Variants in GALNT2 observed in about 807,000 individuals in gnomAD.
GALNT2 encodes the protein polypeptide N-acetylgalactosaminyltransferase 2.
In GALNT2, 31 loss-of-function variants were observed where a neutral mutation model predicts 81.4. The ratio of observed to expected loss-of-function variants is 0.38; its 90% CI spans 0.29 to 0.51. The LOEUF is 0.51. GALNT2 is among the 20% of genes least tolerant of loss of function. The pLI, the probability that GALNT2 is intolerant of heterozygous loss-of-function variation, is 0.87. For missense variants in GALNT2, 629 were observed against 765.7 expected (o/e 0.82, Z 2.11); for synonymous variants, 303 against 287.4 (o/e 1.05, Z -0.55).
chr1:230,156,244 AGT>A (rs56074247), intron 1 of GALNT2, among the ~76,000 whole-genome samples: 14,643 of 146,034 alleles, frequency 0.1, 755 homozygotes, highest in South Asian at 0.15. Context: ...AGAGAGAGAG[AGT>A]GTGTGTGTGT....
Position 230,279,183 on chromosome 1 carries a change from TG to T in GALNT2, c.1561-117del. ...CTCCTCGGCCGTTCAGATGAGAGGC[TG>T]GGAAAAACGTGTCTATCTGTGAGTT... On this transcript the variant is annotated intron_variant, in intron 15 of 15. Transcript: ENST00000366672. The surrounding 1 kb of genome is among the most constrained non-coding windows in gnomAD (Gnocchi z 4.6). 3 of 1,103,614 alleles carry T rather than the reference TG, an allele frequency of 2.7e-6. No homozygotes were observed. The highest frequency in any genetic ancestry group is 3.8e-6 in the Non-Finnish European group (3 of 784,990). The allele number at this position is 1,103,614 out of a possible 1,614,324, so 68.4% of individuals were successfully genotyped here.
intron 3 of GALNT2, among the ~76,000 whole-genome samples, chr1:230,204,954 T>C (rs1664015546): frequency 6.6e-6 from 1 of 152,148 alleles, no homozygotes. Context: ...ATGAATACTT[T>C]TGAGGCACTC....
At chr1:230,138,402 G>T (rs1311280627) in intron 1 of GALNT2, among the ~76,000 whole-genome samples, 1 of 151,992 alleles carries the variant, frequency 6.6e-6, no homozygotes, top group Non-Finnish European at 1.5e-5. Flanking sequence ...GTGCGTGCCT[G>T]TAATCCCAGC....
At chr1:230,229,351 C>A (rs1664806500) in intron 3 of GALNT2, among the ~76,000 whole-genome samples, 1 of 152,214 alleles carries the variant, frequency 6.6e-6, no homozygotes, top group Non-Finnish European at 1.5e-5. Context: ...TGTGGCCTCT[C>A]TAGTAATCAG....
chr1:230,270,369 A>G (rs2102775225), intron 14 of GALNT2, among the ~76,000 whole-genome samples: 1 of 152,326 alleles, frequency 6.6e-6, no homozygotes, highest in South Asian at 2.1e-4. Context: ...GTCTGGGGCC[A>G]GTGGGCTACT....
intron 1 of GALNT2, among the ~76,000 whole-genome samples, chr1:230,069,253 CTTAG>C (rs1257374391): frequency 3.6e-5 from 5 of 139,900 alleles, no homozygotes; most frequent in African/African-American, 1.6e-4. Context: ...GTGTGTGATT[CTTAG>C]TTTGTTTTTT....
intron 3 of GALNT2, among the ~76,000 whole-genome samples, chr1:230,233,648 T>C (rs567884535): frequency 4.2e-4 from 64 of 152,230 alleles, no homozygotes; most frequent in African/African-American, 1.3e-3. Context: ...AATTTTTTTT[T>C]AATGTATTGG....
At chr1:230,135,268 GAC>G (rs1661500406) in intron 1 of GALNT2, among the ~76,000 whole-genome samples, 1 of 152,110 alleles carries the variant, frequency 6.6e-6, no homozygotes, top group Non-Finnish European at 1.5e-5. Flanking sequence ...TGTAGAGGAA[GAC>G]AGTCATGGAT....
In GALNT2 at chr1:230,249,318, G is replaced by A. The variant is rs757851541; in HGVS notation, c.905+47G>A. The A allele has an allele frequency of 1.1e-5, 17 of 1,563,168 alleles. No homozygotes were observed. The East Asian group carries it at 2.9e-4, about 27-fold the overall frequency. ...GGTGCCCCTCCCAGATGAGACCCCA[G>A]GTTCCAGCTTCTTTGCTGGGCCCGC... On this transcript the variant is annotated intron_variant, in intron 9 of 15. Transcript: ENST00000366672.
chr1:230,215,275 T>C (rs1206114611), intron 3 of GALNT2, among the ~76,000 whole-genome samples: 1 of 152,216 alleles, frequency 6.6e-6, no homozygotes, highest in African/African-American at 2.4e-5. Flanking sequence ...TTCACTTGGC[T>C]CTGCACCTAC....
intron 1 of GALNT2, among the ~76,000 whole-genome samples, chr1:230,168,579 C>T (rs952901226): frequency 1.3e-5 from 2 of 152,212 alleles, no homozygotes; most frequent in African/African-American, 4.8e-5. Flanking sequence ...TAAAAATGAA[C>T]AGGCACCCAG....
intron 2 of GALNT2, among the ~76,000 whole-genome samples, 155 bp downstream of exon 2, chr1:230,178,466 G>A (rs1293488218): frequency 3.3e-5 from 5 of 152,224 alleles, no homozygotes; most frequent in South Asian, 2.1e-4. Flanking sequence ...AACTTCCATC[G>A]GACCCATTAG....
chr1:230,174,072 C>T (rs1040231718), intron 1 of GALNT2, among the ~76,000 whole-genome samples: 4 of 152,124 alleles, frequency 2.6e-5, no homozygotes, highest in African/African-American at 9.7e-5. Flanking sequence ...TGTAAAAGAC[C>T]CCCAAGTGCT....
chr1:230,203,634 C>T (rs190623323), intron 3 of GALNT2, among the ~76,000 whole-genome samples: 26 of 152,280 alleles, frequency 1.7e-4, no homozygotes, highest in Admixed American at 6.5e-4. Context: ...CAAAATTTGT[C>T]ATTGTTCCCA....
chr1:230,159,873 TG>T (rs1231037993), intron 1 of GALNT2, among the ~76,000 whole-genome samples: 1 of 152,242 alleles, frequency 6.6e-6, no homozygotes, highest in African/African-American at 2.4e-5. Context: ...GGCCTTTGGC[TG>T]GATCCCTGTT....
chr1:230,080,419 A>G (rs2102752691), intron 1 of GALNT2, among the ~76,000 whole-genome samples: 1 of 152,264 alleles, frequency 6.6e-6, no homozygotes, highest in African/African-American at 2.4e-5. Context: ...AAGCAGTGTG[A>G]TGTCCCAAGC....
At chr1:230,058,934 A>G (rs1282665611) in intron 1 of GALNT2, among the ~76,000 whole-genome samples, 1 of 152,028 alleles carries the variant, frequency 6.6e-6, no homozygotes, top group Non-Finnish European at 1.5e-5. Context: ...GCTCTTCCAT[A>G]TCTTCTTTTT....
chr1:230,158,957 A>C (rs1259778260), intron 1 of GALNT2, among the ~76,000 whole-genome samples: 1 of 152,208 alleles, frequency 6.6e-6, no homozygotes, highest in African/African-American at 2.4e-5. Context: ...TTTGGATTTC[A>C]GTGGCCTCTG....
intron 1 of GALNT2, among the ~76,000 whole-genome samples, chr1:230,106,001 A>T (rs897430472): frequency 2.0e-5 from 3 of 152,170 alleles, no homozygotes; most frequent in African/African-American, 7.2e-5. Context: ...GGTAAAGATG[A>T]TTCATTTCTT....
Sources: allele counts gnomAD v4.1 joint callset (sites outside exome capture counted in the v4.1 genomes callset), GRCh38; gene constraint gnomAD v4.1.1; non-coding constraint Gnocchi (gnomAD v3.1); transcripts MANE v1.5; gene names NCBI Gene and HGNC (gene_info 2026-07-23, HGNC 2026-07-21).